Variants in PARD3B observed in about 807,000 individuals in gnomAD.
PARD3B encodes partitioning defective 3 homolog B.
PARD3B carries 103 observed loss-of-function variants against 130.2 expected under a neutral mutation model. The ratio of observed to expected loss-of-function variants is 0.79; its 90% CI spans 0.67 to 0.93. The LOEUF (loss-of-function observed/expected upper bound fraction) is 0.93. Among genes scored for constraint, PARD3B ranks in the 40% least tolerant of loss-of-function variants. The probability of loss-of-function intolerance (pLI) is 0.00; values close to 1 mark genes in which losing one functional copy is unlikely to be tolerated. For missense variants in PARD3B, 1,609 were observed against 1,499.2 expected (o/e 1.07, Z -1.21); for synonymous variants, 583 against 553.2 (o/e 1.05, Z -0.76).
chr2:204,546,589 G>A (rs556467277), intron 1 of PARD3B, among the ~76,000 whole-genome samples: 1 of 152,198 alleles, frequency 6.6e-6, no homozygotes, highest in South Asian at 2.1e-4. Flanking sequence ...ACACATACTC[G>A]GAAGTTACAA....
At chr2:205,252,261 A>G (rs2039881590) in intron 16 of PARD3B, among the ~76,000 whole-genome samples, 2 of 152,192 alleles carry the variant, frequency 1.3e-5, no homozygotes, top group South Asian at 2.1e-4. Context: ...AGTTCCACTC[A>G]TGTTTATTAA....
chr2:205,441,383 G>A (rs1316028330), intron 20 of PARD3B, among the ~76,000 whole-genome samples: 3 of 152,154 alleles, frequency 2.0e-5, no homozygotes, highest in Non-Finnish European at 4.4e-5. Flanking sequence ...AATGCTTCAT[G>A]TCTTGAAAGA....
At chr2:204,756,502 G>A (rs2040680989) in intron 2 of PARD3B, among the ~76,000 whole-genome samples, 1 of 152,104 alleles carries the variant, frequency 6.6e-6, no homozygotes. Flanking sequence ...TGCAAATGCT[G>A]CAGCAGGATA....
rs796410460 is a variant in PARD3B, at chr2:205,183,730, T to G, written c.1925-2034T>G. ...GGTTCTGCAGAGAAACAGAACCAAGTTGTGTGTGTGTGTGTGTGTGTGTGT... is the reference window on the plus strand; with the variant it reads ...GGTTCTGCAGAGAAACAGAACCAAGGTGTGTGTGTGTGTGTGTGTGTGTGT... On this transcript the variant is annotated intron_variant, in intron 13 of 22. Transcript: ENST00000406610. This position sits in a 1 kb window ranked among gnomAD's most constrained non-coding sequence, Gnocchi z 5.2. Among the ~76,000 whole-genome samples the G allele has an allele frequency of 5.6e-4, 78 of 138,250 alleles. No individual in the cohort carries two copies. Among genetic ancestry groups the G allele is most frequent in the African/African-American group, 1.8e-3 (66 of 37,172 alleles). The allele number at this position is 138,250 out of a possible 152,430, so 90.7% of individuals were successfully genotyped here. A position where few individuals can be genotyped will look rare whatever the true frequency, so the allele number is the denominator to read the frequency against.
chr2:205,507,296 G>C (rs2050409467), intron 21 of PARD3B, among the ~76,000 whole-genome samples: 1 of 131,664 alleles, frequency 7.6e-6, no homozygotes, highest in South Asian at 2.5e-4. Flanking sequence ...CTCACTGCAA[G>C]CTCCACCTCC....
intron 15 of PARD3B, among the ~76,000 whole-genome samples, chr2:205,216,438 A>G (rs1015784941): frequency 1.3e-5 from 2 of 152,148 alleles, no homozygotes; most frequent in African/African-American, 4.8e-5. Context: ...TTACGTGTAT[A>G]ATTTTTACTT....
chr2:205,526,137 A>G (rs1159325423), intron 21 of PARD3B, among the ~76,000 whole-genome samples: 1 of 152,212 alleles, frequency 6.6e-6, no homozygotes, highest in Admixed American at 6.5e-5. Flanking sequence ...GGTCATGGAC[A>G]ATCTTGAACA....
intron 22 of PARD3B, among the ~76,000 whole-genome samples, chr2:205,581,257 T>TATATATATAG: frequency 8.3e-6 from 1 of 120,916 alleles, no homozygotes; most frequent in East Asian, 2.2e-4. Flanking sequence ...TATAGATATA[T>TATATATATAG]ATAGATATAG....
At chr2:205,472,491 T>A (rs1053838215) in intron 20 of PARD3B, among the ~76,000 whole-genome samples, 2 of 152,198 alleles carry the variant, frequency 1.3e-5, no homozygotes, top group Non-Finnish European at 2.9e-5. Context: ...TTTTGTATCA[T>A]ATAAATATGC....
intron 10 of PARD3B, among the ~76,000 whole-genome samples, chr2:205,140,679 AG>A (rs1311259403): frequency 6.6e-6 from 1 of 152,128 alleles, no homozygotes; most frequent in Non-Finnish European, 1.5e-5. Context: ...TTAGAGATCT[AG>A]ACAAAGTACA....
At chr2:204,612,710 A>G (rs951871395) in intron 1 of PARD3B, among the ~76,000 whole-genome samples, 18 of 152,166 alleles carry the variant, frequency 1.2e-4, no homozygotes, top group African/African-American at 2.7e-4. Context: ...TGCATGTATT[A>G]CAAGGTTTTT....
At chr2:205,290,600 C>T (rs972551337) in intron 16 of PARD3B, among the ~76,000 whole-genome samples, 2 of 152,162 alleles carry the variant, frequency 1.3e-5, no homozygotes, top group Non-Finnish European at 2.9e-5. Context: ...CCCCTCAATT[C>T]ACCATAGAGA....
At chr2:205,216,385 A>G (rs1205158684) in intron 15 of PARD3B, among the ~76,000 whole-genome samples, 1 of 152,184 alleles carries the variant, frequency 6.6e-6, no homozygotes, top group Non-Finnish European at 1.5e-5. Flanking sequence ...ATCAAAGAAG[A>G]AAGTTTGGCA....
chr2:205,576,122 C>T (rs1287137507), intron 22 of PARD3B, among the ~76,000 whole-genome samples: 6 of 151,990 alleles, frequency 3.9e-5, no homozygotes, highest in East Asian at 1.9e-4. Flanking sequence ...TCCTTGATGA[C>T]GTATGATGCA....
In PARD3B at chr2:205,016,671, G is replaced by A. The variant is rs889223858; in HGVS notation, c.395-30910G>A. 7.9e-5 allele frequency among the ~76,000 whole-genome samples: 12 copies of A among 152,274 alleles called. No homozygotes were observed. In the East Asian group the frequency reaches 2.3e-3, roughly 29 times the overall value. On this transcript the variant is annotated intron_variant, in intron 3 of 22. Transcript: ENST00000406610. Reference sequence around the variant, plus strand: ...TCTGAAAATATAGGTTTCCAGAGATGATGGTTTGCAAGGCATTGCTCAGGT... The same window carrying A: ...TCTGAAAATATAGGTTTCCAGAGATAATGGTTTGCAAGGCATTGCTCAGGT...
chr2:205,534,488 T>G, intron 21 of PARD3B, among the ~76,000 whole-genome samples: 1 of 150,456 alleles, frequency 6.6e-6, no homozygotes, highest in Non-Finnish European at 1.5e-5. Flanking sequence ...GGAGACAGAG[T>G]CTTACTGTGT....
At chr2:205,007,481 T>G (rs747262990) in intron 3 of PARD3B, among the ~76,000 whole-genome samples, 1 of 152,190 alleles carries the variant, frequency 6.6e-6, no homozygotes. Context: ...TATGCTTTAC[T>G]GGCTGTGAGT....
intron 2 of PARD3B, among the ~76,000 whole-genome samples, chr2:204,926,557 A>C (rs1489041933): frequency 6.6e-6 from 1 of 152,118 alleles, no homozygotes; most frequent in Non-Finnish European, 1.5e-5. Flanking sequence ...GCGCAGTACT[A>C]TGCCATGCCA....
intron 21 of PARD3B, among the ~76,000 whole-genome samples, chr2:205,538,959 G>A (rs544252881): frequency 1.2e-4 from 19 of 152,020 alleles, no homozygotes; most frequent in African/African-American, 4.6e-4. Flanking sequence ...ATTACTAATC[G>A]CATTTACAGA....
Sources: gnomAD v4.1 joint callset for allele counts (sites outside exome capture counted in the v4.1 genomes callset) on GRCh38, gnomAD v4.1.1 for gene constraint, Gnocchi (gnomAD v3.1) non-coding constraint, MANE v1.5 for transcripts, NCBI Gene and HGNC (gene_info 2026-07-23, HGNC 2026-07-21) for gene names.